The following ARPIN variants were observed in gnomAD, a reference collection of about 807,000 sequenced individuals.
The protein encoded by ARPIN is actin related protein 2/3 complex inhibitor.
A neutral mutation model predicts 25.9 loss-of-function variants in ARPIN; 23 were observed. The ratio of observed to expected loss-of-function variants is 0.89; its 90% CI spans 0.64 to 1.26. The LOEUF (loss-of-function observed/expected upper bound fraction) is 1.26. Among genes scored for constraint, ARPIN ranks in the 50% most tolerant of loss-of-function variants. The pLI is 0.00. For missense variants in ARPIN, 333 were observed against 312.2 expected (o/e 1.07, Z -0.50); for synonymous variants, 126 against 131.4 (o/e 0.96, Z 0.28).
In ARPIN at chr15:89,902,869, A is replaced by G. The variant is rs1190750144; in HGVS notation, c.672+347T>C. 4.1e-6 allele frequency: 5 copies of G among 1,209,856 alleles called. No individual in the cohort carries two copies. In the African/African-American group the frequency reaches 7.7e-5, roughly 19 times the overall value. The allele number at this position is 1,209,856 out of a possible 1,614,324, so 74.9% of individuals were successfully genotyped here. A position where few individuals can be genotyped will look rare whatever the true frequency, so the allele number is the denominator to read the frequency against. ...CCAAAGGAGGAAAAACTACGCATTCAGTTGTTCAACTGCCTCAGCATGGTT... is the reference window on the plus strand; with the variant it reads ...CCAAAGGAGGAAAAACTACGCATTCGGTTGTTCAACTGCCTCAGCATGGTT... On this transcript the variant is annotated intron_variant, in intron 5 of 5. Transcript: ENST00000357484.
At chr15:89,908,795 A>C (rs1897173047) in intron 2 of ARPIN, among the ~76,000 whole-genome samples, 1 of 152,124 alleles carries the variant, frequency 6.6e-6, no homozygotes, top group Admixed American at 6.5e-5. Context: ...CAGCCTGGCC[A>C]GCATGGTGAA....
intron 3 of ARPIN, 34 bp from the exon 4 acceptor site, chr15:89,904,017 CTG>C (rs970375447): frequency 6.4e-7 from 1 of 1,569,010 alleles, no homozygotes; most frequent in Admixed American, 1.7e-5. Context: ...GTCATTATCA[CTG>C]TGGCAGCAAG....
chr15:89,902,973 C>T, intron 5 of ARPIN: 1 of 1,424,268 alleles, frequency 7.0e-7, no homozygotes, highest in Non-Finnish European at 9.2e-7. Flanking sequence ...TCCTTCCTAC[C>T]ACTTGGGAAT....
At chr15:89,908,740 T>C (rs141195882) in intron 2 of ARPIN, among the ~76,000 whole-genome samples, 2 of 152,154 alleles carry the variant, frequency 1.3e-5, no homozygotes, top group African/African-American at 4.8e-5. Context: ...TCCCAGCACT[T>C]TGGGAGGCAG....
chr15:89,912,585 C>A, intron 1 of ARPIN, 159 bp downstream of exon 1: 1 of 1,341,384 alleles, frequency 7.5e-7, no homozygotes, highest in Non-Finnish European at 9.5e-7. Context: ...GCGGCAGGGG[C>A]GCCGGGAGCG....
intron 3 of ARPIN, among the ~76,000 whole-genome samples, chr15:89,905,359 T>C (rs991031392): frequency 2.0e-5 from 3 of 151,860 alleles, no homozygotes; most frequent in African/African-American, 7.3e-5. Context: ...ATCTCCTCTT[T>C]CCTTCTGTCT....
chr15:89,908,603 T>C (rs1248118202), intron 2 of ARPIN, among the ~76,000 whole-genome samples, 191 bp from the exon 3 acceptor site: 1 of 152,154 alleles, frequency 6.6e-6, no homozygotes, highest in Non-Finnish European at 1.5e-5. Context: ...CAAGAGCACC[T>C]GCCGCATATA....
At position 89,901,555 on chromosome 15, in the gene ARPIN, C is replaced by T; in HGVS notation, c.*240G>A. ...GGTCATCATGTAATGTCTAGGAAGG[C>T]TAGACTCACATGCAGGGAGGGGCCC... is the stretch of plus-strand genomic sequence containing the variant. On this transcript the variant is annotated 3_prime_UTR_variant, in exon 6 of 6. Transcript: ENST00000357484. 1 of 572,376 alleles carries T rather than the reference C, an allele frequency of 1.7e-6. No individual in the cohort carries two copies. The highest frequency in any genetic ancestry group is 2.1e-5 in the South Asian group (1 of 47,072). 35.5% of individuals were successfully genotyped at this position (572,376 alleles called of 1,614,324 possible). A position where few individuals can be genotyped will look rare whatever the true frequency, so the allele number is the denominator to read the frequency against.
rs199940274 is a variant in ARPIN, at chr15:89,910,724, C to T, written c.168+20G>A. 6.2e-7 allele frequency: 1 copy of T among 1,614,026 alleles called. No individual in the cohort carries two copies. The highest frequency in any genetic ancestry group is 1.3e-5 in the African/African-American group (1 of 75,068). Reference sequence around the variant, plus strand: ...CGTGAAGTCAGTGCCCTCTAGCTAGCACCGAGGAAGCATCCTCACCTTCCT... The same window carrying T: ...CGTGAAGTCAGTGCCCTCTAGCTAGTACCGAGGAAGCATCCTCACCTTCCT... On this transcript the variant is annotated intron_variant, in intron 2 of 5. Coordinates refer to ENST00000357484, the MANE Select transcript of ARPIN (RefSeq NM_182616.4).
rs1458474909 is a variant in ARPIN at position 89,901,791 on chromosome 15, TC to T, written c.*3del. On this transcript the variant is annotated 3_prime_UTR_variant, in exon 6 of 6. Coordinates refer to ENST00000357484, the MANE Select transcript of ARPIN (RefSeq NM_182616.4). ...GCTGGTGCCCCCAGAGGCAGCCACG[TC>T]CCTCAGTCATCCTAGAGAAATCCAA... 1 of 1,613,892 alleles carries T rather than the reference TC, an allele frequency of 6.2e-7. No homozygotes were observed. Among genetic ancestry groups the T allele is most frequent in the Non-Finnish European group, 8.5e-7 (1 of 1,179,900 alleles).
At position 89,901,388 on chromosome 15, in the gene ARPIN, T is replaced by C. The variant is rs779907988; in HGVS notation, c.*407A>G. The C allele has an allele frequency of 1.1e-4, 24 of 219,798 alleles. No individual in the cohort carries two copies. The highest frequency in any genetic ancestry group is 2.0e-4 in the Non-Finnish European group (22 of 111,018). The allele number at this position is 219,798 out of a possible 1,614,324, so 13.6% of individuals were successfully genotyped here. Reference sequence around the variant, plus strand: ...ACAAAGCTGCTATCCAGGGCCAGGGTCAACATGAGGCTGGGTGCAGTGGCT... The same window carrying C: ...ACAAAGCTGCTATCCAGGGCCAGGGCCAACATGAGGCTGGGTGCAGTGGCT... On this transcript the variant is annotated 3_prime_UTR_variant, in exon 6 of 6. Coordinates refer to ENST00000357484, the MANE Select transcript of ARPIN (RefSeq NM_182616.4).
rs1009677697 is a variant in ARPIN, at chr15:89,898,366, G to A, written c.*3429C>T. The A allele has an allele frequency of 1.3e-5, 2 of 152,132 alleles. No individual in the cohort carries two copies. The highest frequency in any genetic ancestry group is 4.8e-5 in the African/African-American group (2 of 41,424). 9.4% of individuals were successfully genotyped at this position (152,132 alleles called of 1,614,324 possible). ...CTCTGGGAACAGCCAGCCCCTCCAT[G>A]GGACCAACACAGCCCTTCCCAAACT... On this transcript the variant is annotated 3_prime_UTR_variant, in exon 6 of 6. Transcript: ENST00000357484.
At position 89,896,246 on chromosome 15, in the gene ARPIN, A is replaced by G. The variant is rs1384355579; in HGVS notation, c.*5549T>C. On this transcript the variant is annotated 3_prime_UTR_variant, in exon 6 of 6. Coordinates refer to ENST00000357484, the MANE Select transcript of ARPIN (RefSeq NM_182616.4). ...GTCAGTTGCACTGAAACTTGACAAA[A>G]TGTTTAAAATGTTGAGGAAGAATAT... The G allele has an allele frequency of 3.3e-5, 5 of 152,234 alleles. No homozygotes were observed. Among genetic ancestry groups the G allele is most frequent in the Admixed American group, 2.6e-4 (4 of 15,284 alleles). 9.4% of individuals were successfully genotyped at this position (152,234 alleles called of 1,614,324 possible).
chr15:89,905,907 C>T (rs1396134235), intron 3 of ARPIN, among the ~76,000 whole-genome samples: 1 of 152,154 alleles, frequency 6.6e-6, no homozygotes, highest in Non-Finnish European at 1.5e-5. Flanking sequence ...CAGTAGACCT[C>T]TACCCAGCAG....
intron 3 of ARPIN, 149 bp from the exon 4 acceptor site, chr15:89,904,132 GGA>G: frequency 4.0e-6 from 4 of 996,086 alleles, no homozygotes; most frequent in Non-Finnish European, 5.7e-6. Flanking sequence ...TCCTCATCAA[GGA>G]ACTCCACAGC....
chr15:89,911,843 T>C (rs564913204), intron 1 of ARPIN, among the ~76,000 whole-genome samples: 4 of 149,616 alleles, frequency 2.7e-5, no homozygotes, highest in Admixed American at 2.0e-4. Context: ...GTTTCTTTTC[T>C]TTTGACACAG....
In ARPIN at chr15:89,912,780, C is replaced by A; in HGVS notation, c.56G>T (p.Arg19Leu). 6.6e-7 allele frequency: 1 copy of A among 1,510,710 alleles called. No individual in the cohort carries two copies. Among genetic ancestry groups the A allele is most frequent in the Non-Finnish European group, 8.8e-7 (1 of 1,134,352 alleles). 93.6% of individuals were successfully genotyped at this position (1,510,710 alleles called of 1,614,324 possible). ...ALRNKAVQSV[R>L]LPGAWDPAAH... ...GGCGGGGTCCCAGGCCCCTGGCAGC[C>A]GGACGCTCTGCACCGCCTTGTTCCG... The change falls in exon 1 of 6, where the codon CGG becomes CTG. Residue 19 changes from arginine (R) to leucine (L), a missense_variant. Arg to Leu is a moderately radical substitution (Grantham distance 102, BLOSUM62 -2). Transcript: ENST00000357484.
rs1459555816 is a variant in ARPIN at position 89,908,378 on chromosome 15, TG to T, written c.202del (p.His68ThrfsTer24). 6.2e-7 allele frequency: 1 copy of T among 1,614,000 alleles called. No homozygotes were observed. The highest frequency in any genetic ancestry group is 8.5e-7 in the Non-Finnish European group (1 of 1,180,032). On this transcript the variant is annotated frameshift_variant, in exon 3 of 6. Transcript: ENST00000357484. LOFTEE classifies it high-confidence loss of function. ...GGCGTCGAATTTACGGCGATGGATG[TG>T]ACTGGGCCGGATATACAGCACGTAG... ...RYYVLYIRPS[H>X]IHRRKFDAKG...
Position 89,912,749 on chromosome 15 carries a change from G to C in ARPIN, c.87C>G (p.His29Gln), listed in dbSNP as rs1377326826. ...GGCCGTGAGCCCAGGCCTACCCCTGGTGGGCGGCGGGGTCCCAGGCCCCTG... is the reference window on the plus strand; with the variant it reads ...GGCCGTGAGCCCAGGCCTACCCCTGCTGGGCGGCGGGGTCCCAGGCCCCTG... ...RLPGAWDPAA[H>Q]QGGNGVLLEG... The change falls in exon 1 of 6, where the codon CAC becomes CAG. Residue 29 changes from histidine to glutamine, a missense_variant. Transcript: ENST00000357484. 3 of 1,318,844 alleles carry C rather than the reference G, an allele frequency of 2.3e-6. No individual in the cohort carries two copies. Among genetic ancestry groups the C allele is most frequent in the Admixed American group, 2.6e-5 (1 of 38,274 alleles). The allele number at this position is 1,318,844 out of a possible 1,614,324, so 81.7% of individuals were successfully genotyped here.
Sources: gnomAD v4.1 joint callset for allele counts (sites outside exome capture counted in the v4.1 genomes callset) on GRCh38, gnomAD v4.1.1 for gene constraint, MANE v1.5 for transcripts, NCBI Gene and HGNC (gene_info 2026-07-23, HGNC 2026-07-21) for gene names.